The following OIP5 variants were observed in gnomAD, a reference collection of about 807,000 sequenced individuals.
OIP5 encodes protein Mis18-beta.
Under a neutral mutation model 20.3 loss-of-function variants are expected in OIP5, and 24 were observed. That is an observed-to-expected ratio of 1.18 (90% CI 0.86 to 1.66). The LOEUF is 1.66. Ranked by LOEUF, OIP5 falls within the 40% of genes most tolerant of loss-of-function variation. The probability of loss-of-function intolerance (pLI) is 0.00; values close to 1 mark genes in which losing one functional copy is unlikely to be tolerated. For synonymous variants in OIP5, 143 were observed against 121.3 expected, an observed-to-expected ratio of 1.18 and a Z score of -1.17; for missense variants, 339 against 289.5, an observed-to-expected ratio of 1.17 and a Z score of -1.24.
rs1186310386 is a variant in OIP5 at position 41,332,256 on chromosome 15, C to T, written c.306G>A (p.Gly102=). Residue 102 remains glycine, a synonymous_variant, in exon 1 of 5, where the codon GGG becomes GGA. Coordinates refer to ENST00000220514, the MANE Select transcript of OIP5 (RefSeq NM_007280.2). ...HLAWDLSRSL[G]AVVFSRVTNN... The stretch of plus-strand genomic sequence containing the variant: ...TGCACTCACTGGAGAAGACCACGGC[C>T]CCGAGGGACCGCGACAGGTCCCAGG... The T allele has an allele frequency of 1.9e-6, 3 of 1,549,646 alleles. No individual in the cohort carries two copies. The highest frequency in any genetic ancestry group is 2.0e-5 in the Admixed American group (1 of 50,052).
chr15:41,314,934 C>T (rs1170739670), intron 3 of OIP5, among the ~76,000 whole-genome samples: 3 of 151,170 alleles, frequency 2.0e-5, no homozygotes, highest in South Asian at 2.1e-4. Flanking sequence ...GCCTGGCCAG[C>T]GAAACCCCAT....
In OIP5 at chr15:41,326,999, C is replaced by T. The variant is rs117453716; in HGVS notation, c.389+4916G>A. The stretch of plus-strand genomic sequence containing the variant: ...TTGGTTATAACAGTCTGTGAATCTA[C>T]AAGACAACAGGAAGTAATACCAAAG... On this transcript the variant is annotated intron_variant, in intron 2 of 4. Coordinates refer to ENST00000220514, the MANE Select transcript of OIP5 (RefSeq NM_007280.2). Among the ~76,000 whole-genome samples, 5 of 149,248 alleles carry T rather than the reference C, an allele frequency of 3.4e-5. No individual in the cohort carries two copies. In the East Asian group the frequency reaches 7.8e-4, roughly 23 times the overall value.
chr15:41,327,814 ATT>A (rs2047871648), intron 2 of OIP5, among the ~76,000 whole-genome samples: 1 of 130,412 alleles, frequency 7.7e-6, no homozygotes, highest in African/African-American at 3.4e-5. Context: ...AAATAAAATA[ATT>A]GAAAAGAAAG....
chr15:41,319,146 C>T (rs1361009521), intron 3 of OIP5, among the ~76,000 whole-genome samples: 6 of 151,342 alleles, frequency 4.0e-5, no homozygotes, highest in African/African-American at 1.5e-4. Flanking sequence ...TCTCAGCTCA[C>T]TGTGCAACCT....
At chr15:41,313,176 G>T in intron 4 of OIP5, 97 bp downstream of exon 4, 1 of 752,088 alleles carries the variant, frequency 1.3e-6, no homozygotes, top group Non-Finnish European at 2.3e-6. Context: ...AAGGATTATT[G>T]AGCATCATGC....
At chr15:41,322,438 G>A (rs557989609) in intron 2 of OIP5, among the ~76,000 whole-genome samples, 120 of 151,858 alleles carry the variant, frequency 7.9e-4, no homozygotes, top group Admixed American at 2.8e-3. Context: ...TTGCTCTGTC[G>A]CCCAGGTTAG....
chr15:41,330,886 C>G (rs1229808606), intron 2 of OIP5, among the ~76,000 whole-genome samples: 1 of 152,182 alleles, frequency 6.6e-6, no homozygotes, highest in African/African-American at 2.4e-5. Context: ...AGAGCACATT[C>G]AGGAACCTTC....
rs543769913 is a variant in OIP5, at chr15:41,321,758, T to C, written c.390-1978A>G. ...CTTAAGAGTCATCACCACTCCCTAATCTCAAGTACCCAGGGACACAAACAC... is the reference window on the plus strand; with the variant it reads ...CTTAAGAGTCATCACCACTCCCTAACCTCAAGTACCCAGGGACACAAACAC... On this transcript the variant is annotated intron_variant, in intron 2 of 4. Transcript: ENST00000220514. Among the ~76,000 whole-genome samples the C allele has an allele frequency of 3.3e-5, 5 of 151,258 alleles. No homozygotes were observed. In the South Asian group the frequency reaches 1.0e-3, roughly 32 times the overall value.
Position 41,311,959 on chromosome 15 carries a change from A to C in OIP5, c.594+1314T>G, listed in dbSNP as rs1321298608. On this transcript the variant is annotated intron_variant, in intron 4 of 4. Transcript: ENST00000220514. ...AACCTCTGCCTCCCAGGTTCAAGCG[A>C]TTCTCCTGCCTCAGCCTCCCGAAAA... Among the ~76,000 whole-genome samples, 74 of 141,480 alleles carry C rather than the reference A, an allele frequency of 5.2e-4. 7 individuals carry two copies. Among genetic ancestry groups the C allele is most frequent in the Middle Eastern group, 7.0e-3 (2 of 286 alleles). 92.8% of individuals were successfully genotyped at this position (141,480 alleles called of 152,430 possible). A position where few individuals can be genotyped will look rare whatever the true frequency, so the allele number is the denominator to read the frequency against.
intron 1 of OIP5, 45 bp from the exon 2 acceptor site, chr15:41,332,026 G>A (rs10518718): frequency 0.058 from 91,306 of 1,582,772 alleles, 3,440 homozygotes; most frequent in East Asian, 0.16. Flanking sequence ...TGCGGGCCTT[G>A]AAATGGAAAA....
chr15:41,309,810 AT>A lies in OIP5; in HGVS notation c.633del (p.Lys211AsnfsTer3), dbSNP rs554128442. ...ACTTCACTCAGAATCTTCATTAGTG[AT>A]TTTAAGCGATTGTGCGTTAGCACTA... ...EKIVLTHNRL[K>X]SLMKILSEVT... On this transcript the variant is annotated frameshift_variant, in exon 5 of 5. Coordinates refer to ENST00000220514, the MANE Select transcript of OIP5 (RefSeq NM_007280.2). LOFTEE classifies it high-confidence loss of function. The A allele has an allele frequency of 2.5e-6, 4 of 1,613,858 alleles. No individual in the cohort carries two copies. The highest frequency in any genetic ancestry group is 3.4e-6 in the Non-Finnish European group (4 of 1,179,880).
At chr15:41,332,210 T>C (rs1055157286) in intron 1 of OIP5, 30 bp downstream of exon 1, 4 of 1,525,252 alleles carry the variant, frequency 2.6e-6, no homozygotes, top group Non-Finnish European at 3.5e-6. Context: ...GGCTAGCCTC[T>C]GCCTTTCCCG....
intron 2 of OIP5, among the ~76,000 whole-genome samples, chr15:41,322,673 G>T (rs111573424): frequency 6.6e-6 from 1 of 152,002 alleles, no homozygotes; most frequent in Non-Finnish European, 1.5e-5. Context: ...GATGGCTCAC[G>T]CCTGTAATCC....
intron 3 of OIP5, among the ~76,000 whole-genome samples, chr15:41,318,977 A>C (rs2047805304): frequency 6.6e-6 from 1 of 151,882 alleles, no homozygotes; most frequent in African/African-American, 2.4e-5. Context: ...CATTGGCATT[A>C]CAGGCGCGAG....
chr15:41,330,883 A>T (rs530185259), intron 2 of OIP5, among the ~76,000 whole-genome samples: 2 of 152,304 alleles, frequency 1.3e-5, no homozygotes, highest in East Asian at 3.9e-4. Context: ...CCAAGAGCAC[A>T]TTCAGGAACC....
intron 2 of OIP5, among the ~76,000 whole-genome samples, chr15:41,330,879 G>A (rs1158453127): frequency 6.6e-6 from 1 of 152,140 alleles, no homozygotes; most frequent in African/African-American, 2.4e-5. Flanking sequence ...CTCTCCAAGA[G>A]CACATTCAGG....
At chr15:41,330,830 T>C (rs1466841266) in intron 2 of OIP5, among the ~76,000 whole-genome samples, 1 of 152,216 alleles carries the variant, frequency 6.6e-6, no homozygotes, top group Non-Finnish European at 1.5e-5. Flanking sequence ...GACTAGTGAT[T>C]ACAGTATAGG....
At chr15:41,328,669 T>C (rs1277427060) in intron 2 of OIP5, among the ~76,000 whole-genome samples, 1 of 152,142 alleles carries the variant, frequency 6.6e-6, no homozygotes, top group African/African-American at 2.4e-5. Flanking sequence ...TCATGCCAAT[T>C]GTAGAATGTT....
intron 2 of OIP5, among the ~76,000 whole-genome samples, chr15:41,322,264 C>G (rs1222293558): frequency 6.6e-6 from 1 of 151,402 alleles, no homozygotes; most frequent in Non-Finnish European, 1.5e-5. Flanking sequence ...CATGGTAATA[C>G]CCCGTCTTAA....
Sources: gnomAD v4.1 joint callset for allele counts (sites outside exome capture counted in the v4.1 genomes callset) on GRCh38, gnomAD v4.1.1 for gene constraint, MANE v1.5 for transcripts, NCBI Gene and HGNC (gene_info 2026-07-23, HGNC 2026-07-21) for gene names.